EYS: variants seen among roughly 807,000 people sequenced by gnomAD.
EYS encodes protein eyes shut homolog.
In EYS, 250 loss-of-function variants were observed where a neutral mutation model predicts 282.1. The observed-to-expected ratio is 0.89, with a 90% confidence interval of 0.80 to 0.98. The LOEUF is 0.98. Among genes scored for constraint, EYS ranks in the 50% least tolerant of loss-of-function variants. The pLI, the probability that EYS is intolerant of heterozygous loss-of-function variation, is 0.00. For missense variants in EYS, 4,016 were observed against 3,709.0 expected (o/e 1.08, Z -2.15); for synonymous variants, 1,355 against 1,282.9 (o/e 1.06, Z -1.20).
Position 65,495,178 on chromosome 6 carries a change from C to T in EYS, c.233G>A (p.Cys78Tyr). The T allele has an allele frequency of 1.2e-6, 2 of 1,614,028 alleles. No individual in the cohort carries two copies. Among genetic ancestry groups the T allele is most frequent in the Non-Finnish European group, 1.7e-6 (2 of 1,179,924 alleles). The change falls in exon 4 of 43, where the codon TGC (cysteine) becomes TAC (tyrosine). Residue 78 changes from cysteine to tyrosine, a missense_variant. Coordinates refer to ENST00000503581, the MANE Select transcript of EYS (RefSeq NM_001142800.2). ...ATCTCCTAATTGAATTTGCAAAGGGCAAATCTGGGGAACAGCTTGATTGCC... is the reference window on the plus strand; with the variant it reads ...ATCTCCTAATTGAATTTGCAAAGGGTAAATCTGGGGAACAGCTTGATTGCC... ...TSGNQAVPQI[C>Y]PLQIQLGDIL... is the part of the protein sequence containing the mutation.
rs575338028 is a variant in EYS, at chr6:65,003,384, C to G, written c.2138-5681G>C. ...AAATTTTGGTCAGACCGGTTGCTCT[C>G]AAAACCCTGTCTCCTGATAAGATGT... On this transcript the variant is annotated intron_variant, in intron 13 of 42. Transcript: ENST00000503581. 2.4e-3 allele frequency among the ~76,000 whole-genome samples: 356 copies of G among 147,406 alleles called. 10 individuals are homozygous for G. The highest frequency in any genetic ancestry group is 8.3e-3 in the African/African-American group (343 of 41,274).
intron 30 of EYS, among the ~76,000 whole-genome samples, chr6:64,289,596 A>G (rs939960819): frequency 1.3e-5 from 2 of 151,898 alleles, no homozygotes; most frequent in Non-Finnish European, 2.9e-5. Context: ...GGGTTTGGGT[A>G]TTTTTCCTCT....
intron 41 of EYS, among the ~76,000 whole-genome samples, chr6:63,727,729 A>ATATATATATAT (rs1255552819): frequency 1.6e-5 from 1 of 60,680 alleles, no homozygotes; most frequent in African/African-American, 1.3e-4. Flanking sequence ...AAAAAAAAAA[A>ATATATATATAT]AAAAAAAAAT....
chr6:64,490,362 C>T (rs969713150), intron 26 of EYS, among the ~76,000 whole-genome samples: 2 of 150,828 alleles, frequency 1.3e-5, no homozygotes, highest in African/African-American at 4.8e-5. Flanking sequence ...TAAAATATGT[C>T]ATGGTAGTTA....
At chr6:64,125,154 G>GCGCGCGCGCTCTCTC (rs1773724746) in intron 31 of EYS, among the ~76,000 whole-genome samples, 1 of 145,262 alleles carries the variant, frequency 6.9e-6, no homozygotes, top group African/African-American at 2.6e-5. Flanking sequence ...CACACTCTCT[G>GCGCGCGCGCTCTCTC]TCTCTCTCTC....
At chr6:64,617,169 A>G (rs1301743408) in intron 24 of EYS, among the ~76,000 whole-genome samples, 1 of 152,156 alleles carries the variant, frequency 6.6e-6, no homozygotes, top group Non-Finnish European at 1.5e-5. Flanking sequence ...ACATTAAGTC[A>G]CTTGCACCTT....
intron 36 of EYS, among the ~76,000 whole-genome samples, chr6:63,851,429 A>G (rs1581893450): frequency 6.6e-6 from 1 of 152,076 alleles, no homozygotes; most frequent in Admixed American, 6.6e-5. Context: ...GAAGTAAAGC[A>G]CCCCTCAGCA....
intron 26 of EYS, among the ~76,000 whole-genome samples, chr6:64,534,518 AT>A (rs1197582023): frequency 6.6e-6 from 1 of 151,840 alleles, no homozygotes; most frequent in South Asian, 2.1e-4. Flanking sequence ...CTTAGATTTC[AT>A]TTTTTTCTGT....
intron 16 of EYS, among the ~76,000 whole-genome samples, chr6:64,907,067 A>G (rs1211512267): frequency 6.6e-6 from 1 of 151,932 alleles, no homozygotes; most frequent in Non-Finnish European, 1.5e-5. Context: ...ATTTTTTATT[A>G]TTAGAGACAA....
chr6:64,321,488 T>G (rs1423014738), intron 29 of EYS, among the ~76,000 whole-genome samples: 2 of 151,846 alleles, frequency 1.3e-5, no homozygotes, highest in Non-Finnish European at 2.9e-5. Flanking sequence ...AGAATGTGAG[T>G]GATATTATGG....
intron 2 of EYS, among the ~76,000 whole-genome samples, chr6:65,583,967 TA>T (rs61362090): frequency 0.32 from 47,487 of 146,368 alleles, 7,943 homozygotes; most frequent in African/African-American, 0.44. Flanking sequence ...TTACTTAAAA[TA>T]AAAAAAAAAA....
intron 30 of EYS, among the ~76,000 whole-genome samples, chr6:64,298,212 TTTC>T (rs1472355174): frequency 1.3e-5 from 2 of 152,164 alleles, no homozygotes; most frequent in Non-Finnish European, 2.9e-5. Flanking sequence ...TTTATAATAA[TTTC>T]TAATAATTGT....
At chr6:64,374,678 T>C (rs2150416077) in intron 29 of EYS, among the ~76,000 whole-genome samples, 1 of 152,344 alleles carries the variant, frequency 6.6e-6, no homozygotes, top group Non-Finnish European at 1.5e-5. Flanking sequence ...CTGGCCCTTT[T>C]GTTTCCTCTA....
chr6:64,854,042 A>G (rs1310043978), intron 19 of EYS, among the ~76,000 whole-genome samples: 1 of 151,946 alleles, frequency 6.6e-6, no homozygotes, highest in East Asian at 1.9e-4. Flanking sequence ...AATCAAAACC[A>G]CAGTGAGATA....
intron 31 of EYS, among the ~76,000 whole-genome samples, chr6:64,086,652 C>T (rs1335705889): frequency 6.6e-6 from 1 of 152,154 alleles, no homozygotes; most frequent in Non-Finnish European, 1.5e-5. Context: ...TTGAACTCCT[C>T]AAAGCATTGT....
At chr6:64,415,712 T>G (rs1162895928) in intron 28 of EYS, among the ~76,000 whole-genome samples, 3 of 152,208 alleles carry the variant, frequency 2.0e-5, no homozygotes, top group African/African-American at 4.8e-5. Context: ...GTATGCTTAC[T>G]CAATAAAAAT....
intron 26 of EYS, among the ~76,000 whole-genome samples, chr6:64,584,543 T>C (rs1196415676): frequency 2.0e-5 from 3 of 152,026 alleles, no homozygotes; most frequent in Non-Finnish European, 4.4e-5. Context: ...GCCTCCACTG[T>C]GACTTTCCTA....
At chr6:65,694,353 CTT>C (rs1208845361) in intron 1 of EYS, among the ~76,000 whole-genome samples, 3 of 148,572 alleles carry the variant, frequency 2.0e-5, no homozygotes, top group Non-Finnish European at 3.0e-5. Flanking sequence ...AATTTAGTAA[CTT>C]ATGGAGTTTA....
intron 11 of EYS, chr6:65,332,363 A>T: frequency 1.1e-6 from 1 of 914,824 alleles, no homozygotes; most frequent in Middle Eastern, 2.1e-4. Context: ...CATGCTGTAT[A>T]AACCTTTCTA....
Sources: gnomAD v4.1 joint callset for allele counts (sites outside exome capture counted in the v4.1 genomes callset) on GRCh38, gnomAD v4.1.1 for gene constraint, MANE v1.5 for transcripts, NCBI Gene and HGNC (gene_info 2026-07-23, HGNC 2026-07-21) for gene names.